The following TAFA2 variants were observed in gnomAD, a reference collection of about 807,000 sequenced individuals.
TAFA2 encodes the protein chemokine-like protein TAFA-2.
In TAFA2, 7 loss-of-function variants were observed where a neutral mutation model predicts 18.8. The observed-to-expected ratio is 0.37, with a 90% CI of 0.21 to 0.70. The LOEUF (loss-of-function observed/expected upper bound fraction) is 0.70. TAFA2 is among the 30% of genes least tolerant of loss of function. The pLI is 0.53. For missense variants in TAFA2, 122 were observed against 158.1 expected (o/e 0.77, Z 1.23); for synonymous variants, 60 against 54.2 (o/e 1.11, Z -0.47).
At chr12:61,857,276 A>G (rs1280185210) in intron 2 of TAFA2, among the ~76,000 whole-genome samples, 3 of 152,136 alleles carry the variant, frequency 2.0e-5, no homozygotes, top group Admixed American at 6.5e-5. Context: ...AAATACTTCA[A>G]AATTAACTTT....
In TAFA2 at chr12:61,834,046, T is replaced by G. The variant is rs182036734; in HGVS notation, c.106+33274A>C. Among the ~76,000 whole-genome samples the G allele has an allele frequency of 1.3e-3, 196 of 152,196 alleles. 2 individuals are homozygous for G. The highest frequency in any genetic ancestry group is 1.4e-3 in the Non-Finnish European group (95 of 67,992). Reference sequence around the variant, plus strand: ...CCTCCTGATCCCATCAAAATTCTACTTTTCCTTCAAGATCCATGACAATAG... The same window carrying G: ...CCTCCTGATCCCATCAAAATTCTACGTTTCCTTCAAGATCCATGACAATAG... On this transcript the variant is annotated intron_variant, in intron 2 of 4. Transcript: ENST00000416284.
intron 2 of TAFA2, among the ~76,000 whole-genome samples, chr12:61,840,656 C>G (rs1873132675): frequency 6.6e-6 from 1 of 152,020 alleles, no homozygotes; most frequent in South Asian, 2.1e-4. Flanking sequence ...CTTTCACTCT[C>G]TGGATATTAA....
chr12:61,893,795 A>G (rs1404547795), intron 1 of TAFA2, among the ~76,000 whole-genome samples: 2 of 152,230 alleles, frequency 1.3e-5, no homozygotes, highest in Non-Finnish European at 2.9e-5. Context: ...CATATTCAAA[A>G]TTAGTTGTTT....
chr12:61,834,863 A>G (rs1872855498), intron 2 of TAFA2, among the ~76,000 whole-genome samples: 2 of 152,078 alleles, frequency 1.3e-5, no homozygotes, highest in Admixed American at 6.6e-5. Flanking sequence ...TAACTTATTG[A>G]AGCCACACCA....
chr12:62,258,879 G>T, upstream of TAFA2: 1 of 192,216 alleles, frequency 5.2e-6, no homozygotes, highest in Non-Finnish European at 1.2e-5. Flanking sequence ...TTAGAGGGTA[G>T]CCGTGGTTAG....
intron 1 of TAFA2, among the ~76,000 whole-genome samples, chr12:61,934,248 G>T (rs1877674556): frequency 6.6e-6 from 1 of 152,130 alleles, no homozygotes; most frequent in Non-Finnish European, 1.5e-5. Flanking sequence ...AGAAACCAGG[G>T]GAGTGGCCTA....
intron 1 of TAFA2, among the ~76,000 whole-genome samples, chr12:62,143,962 C>T (rs1216441620): frequency 2.0e-5 from 3 of 146,478 alleles, no homozygotes; most frequent in East Asian, 2.1e-4. Flanking sequence ...GTGGGAGGAT[C>T]GCTTGAGCCA....
intron 1 of TAFA2, among the ~76,000 whole-genome samples, chr12:61,919,395 T>C (rs1193313889): frequency 6.6e-6 from 1 of 152,190 alleles, no homozygotes; most frequent in African/African-American, 2.4e-5. Flanking sequence ...AGAAAACCCT[T>C]CCAATTCTCT....
At chr12:62,149,268 T>G (rs1030315928) in intron 1 of TAFA2, among the ~76,000 whole-genome samples, 1 of 152,046 alleles carries the variant, frequency 6.6e-6, no homozygotes, top group Admixed American at 6.6e-5. Context: ...TGTTCAATGG[T>G]GTAGAATAAA....
intron 1 of TAFA2, among the ~76,000 whole-genome samples, chr12:62,159,508 A>G (rs1339126018): frequency 6.6e-6 from 1 of 152,204 alleles, no homozygotes. Context: ...CAGAAGCCAC[A>G]ATAAATATTT....
intron 2 of TAFA2, among the ~76,000 whole-genome samples, chr12:61,848,439 G>A (rs1592431837): frequency 6.6e-6 from 1 of 152,034 alleles, no homozygotes; most frequent in Non-Finnish European, 1.5e-5. Context: ...AGTCTTAATT[G>A]TACTTATTTA....
At chr12:61,733,471 A>C (rs1216277042) in intron 4 of TAFA2, among the ~76,000 whole-genome samples, 1 of 151,842 alleles carries the variant, frequency 6.6e-6, no homozygotes, top group Non-Finnish European at 1.5e-5. Flanking sequence ...GAAGGGATCC[A>C]GTTTCAGCTT....
chr12:62,168,417 AACATGGCAAAG>A (rs2062454354), intron 1 of TAFA2, among the ~76,000 whole-genome samples: 1 of 152,264 alleles, frequency 6.6e-6, no homozygotes, highest in Non-Finnish European at 1.5e-5. Context: ...AGAGGTTAAA[AACATGGCAAAG>A]ATTCAATCAG....
chr12:61,823,615 AT>A (rs1181727046), intron 2 of TAFA2, among the ~76,000 whole-genome samples: 1 of 152,126 alleles, frequency 6.6e-6, no homozygotes, highest in African/African-American at 2.4e-5. Context: ...CGCATTCTGC[AT>A]TGGTGTAACT....
chr12:61,918,978 A>G (rs1025178925), intron 1 of TAFA2, among the ~76,000 whole-genome samples: 1 of 152,242 alleles, frequency 6.6e-6, no homozygotes, highest in Non-Finnish European at 1.5e-5. Context: ...GATGAGAACC[A>G]TAGTTCCAAT....
In TAFA2 at chr12:62,211,004, T is replaced by C. The variant is rs528126129; in HGVS notation, c.-130+47759A>G. Among the ~76,000 whole-genome samples the C allele has an allele frequency of 2.2e-4, 34 of 152,072 alleles. No individual in the cohort carries two copies. The South Asian group carries it at 6.2e-3, about 28-fold the overall frequency. On this transcript the variant is annotated intron_variant, in intron 1 of 5. Coordinates refer to the TAFA2 transcript ENST00000551619. ...AGCTGGAAAACTGAAAGGAAACCTA[T>C]AGAAGTCAAGTTCTACCAAGCTGTA...
chr12:61,927,252 T>C (rs1877344359), intron 1 of TAFA2, among the ~76,000 whole-genome samples: 1 of 152,148 alleles, frequency 6.6e-6, no homozygotes, highest in African/African-American at 2.4e-5. Context: ...CATGATTGTA[T>C]ATTTAGAAAA....
chr12:62,007,154 G>A (rs1237247229), intron 1 of TAFA2, among the ~76,000 whole-genome samples: 1 of 151,960 alleles, frequency 6.6e-6, no homozygotes, highest in Non-Finnish European at 1.5e-5. Flanking sequence ...TATTCCTGGA[G>A]CATGCTGAGC....
intron 2 of TAFA2, among the ~76,000 whole-genome samples, chr12:61,760,776 C>A (rs1265853041): frequency 7.0e-6 from 1 of 142,482 alleles, no homozygotes; most frequent in Non-Finnish European, 1.5e-5. Context: ...CACAGAAGAT[C>A]AGTTAGTATC....
Sources: gnomAD v4.1 joint callset for allele counts (sites outside exome capture counted in the v4.1 genomes callset) on GRCh38, gnomAD v4.1.1 for gene constraint, MANE v1.5 for transcripts, NCBI Gene and HGNC (gene_info 2026-07-23, HGNC 2026-07-21) for gene names.